FOCAD: variants seen among roughly 807,000 people sequenced by gnomAD.
FOCAD encodes the protein focadhesin, also known as KIAA1797.
Under a neutral mutation model 225.6 loss-of-function variants are expected in FOCAD, and 198 were observed. The observed-to-expected ratio is 0.88, with a 90% CI of 0.78 to 0.99. The LOEUF (loss-of-function observed/expected upper bound fraction) is 0.99, where lower values mean the gene tolerates loss of function less well. Among genes scored for constraint, FOCAD ranks in the 50% least tolerant of loss-of-function variants. The pLI, the probability that FOCAD is intolerant of heterozygous loss-of-function variation, is 0.00. For synonymous variants in FOCAD, 897 were observed against 755.0 expected (o/e 1.19, Z -3.08); for missense variants, 2,713 against 2,123.6 (o/e 1.28, Z -5.46).
intron 35 of FOCAD, among the ~76,000 whole-genome samples, chr9:20,965,334 C>G (rs1173972093): frequency 1.3e-5 from 2 of 152,084 alleles, no homozygotes; most frequent in Non-Finnish European, 2.9e-5. Flanking sequence ...ATACTTGTTG[C>G]AAGGATTCTT....
chr9:20,854,549 A>G (rs1827978286), intron 15 of FOCAD, among the ~76,000 whole-genome samples: 1 of 151,774 alleles, frequency 6.6e-6, no homozygotes, highest in Admixed American at 6.6e-5. Context: ...AGCCTACCAC[A>G]CTGCATAAGG....
At chr9:20,840,914 A>T (rs1447400642) in intron 15 of FOCAD, among the ~76,000 whole-genome samples, 1 of 151,842 alleles carries the variant, frequency 6.6e-6, no homozygotes, top group Non-Finnish European at 1.5e-5. Context: ...CAGTTTTTTT[A>T]GAGTTTTTAT....
Position 20,689,446 on chromosome 9 carries a change from C to G in FOCAD, c.-33+5153C>G, listed in dbSNP as rs544324814. 3.5e-4 allele frequency among the ~76,000 whole-genome samples: 48 copies of G among 138,160 alleles called. 1 individual carries two copies. The highest frequency in any genetic ancestry group is 6.2e-4 in the Non-Finnish European group (41 of 65,910). 90.6% of individuals were successfully genotyped at this position (138,160 alleles called of 152,430 possible). A position where few individuals can be genotyped will look rare whatever the true frequency, so the allele number is the denominator to read the frequency against. On this transcript the variant is annotated intron_variant, in intron 1 of 43. Coordinates refer to ENST00000338382, the MANE Select transcript of FOCAD (RefSeq NM_001375567.1). ...CTTAGATGTTATGCCCTCAAAAGTA[C>G]AGCGGGTGGGGGTGGGATGGGGTAA...
intron 35 of FOCAD, among the ~76,000 whole-genome samples, chr9:20,962,148 C>T (rs1484704666): frequency 6.6e-6 from 1 of 151,970 alleles, no homozygotes; most frequent in Non-Finnish European, 1.5e-5. Context: ...TAGGGGCTTC[C>T]GTGATGTTCC....
chr9:20,929,350 T>C lies in FOCAD; in HGVS notation c.3079-8T>C. ...CTAACCCTGTTTTCTTTCTTTGGCA[T>C]GTCCTAGAAGTCCTATTCTGGTGAA... is the stretch of plus-strand genomic sequence containing the variant. On this transcript the variant is annotated splice_region_variant and splice_polypyrimidine_tract_variant and intron_variant, in intron 26 of 43. Coordinates refer to ENST00000338382, the MANE Select transcript of FOCAD (RefSeq NM_001375567.1). The C allele has an allele frequency of 1.2e-6, 2 of 1,611,314 alleles. No homozygotes were observed. Among genetic ancestry groups the C allele is most frequent in the Admixed American group, 1.7e-5 (1 of 59,900 alleles).
At chr9:20,770,340 G>T (rs1295977165) in intron 8 of FOCAD, 102 bp downstream of exon 8, 1 of 1,081,204 alleles carries the variant, frequency 9.2e-7, no homozygotes. Context: ...TTACAGTCTG[G>T]CAGGCTGTAC....
At chr9:20,932,626 A>G (rs550884969) in intron 27 of FOCAD, among the ~76,000 whole-genome samples, 1 of 152,378 alleles carries the variant, frequency 6.6e-6, no homozygotes, top group African/African-American at 2.4e-5. Flanking sequence ...TGGAATGATT[A>G]TTGATAATGT....
At chr9:20,724,581 T>A (rs1213328437) in intron 4 of FOCAD, among the ~76,000 whole-genome samples, 2 of 152,210 alleles carry the variant, frequency 1.3e-5, no homozygotes, top group Non-Finnish European at 2.9e-5. Context: ...TCATAAAATA[T>A]ATAAGTGCTA....
chr9:20,898,439 C>T (rs1430795170), intron 21 of FOCAD, among the ~76,000 whole-genome samples: 1 of 151,556 alleles, frequency 6.6e-6, no homozygotes, highest in Non-Finnish European at 1.5e-5. Flanking sequence ...TTCCTCTTCG[C>T]TTTTTAGTTT....
At chr9:20,797,406 G>A (rs966221310) in intron 11 of FOCAD, among the ~76,000 whole-genome samples, 4 of 152,122 alleles carry the variant, frequency 2.6e-5, no homozygotes, top group African/African-American at 9.7e-5. Flanking sequence ...ATTACCTTGG[G>A]CAGTATGGCC....
At chr9:20,871,600 A>G (rs1829771594) in intron 18 of FOCAD, among the ~76,000 whole-genome samples, 1 of 151,564 alleles carries the variant, frequency 6.6e-6, no homozygotes. Flanking sequence ...TAAAGAACTT[A>G]CTCATGTAAC....
At chr9:20,872,355 G>A (rs1268230275) in intron 18 of FOCAD, among the ~76,000 whole-genome samples, 1 of 152,108 alleles carries the variant, frequency 6.6e-6, no homozygotes, top group Non-Finnish European at 1.5e-5. Flanking sequence ...AGGATAGGAG[G>A]ATAGGATAAA....
chr9:20,663,317 A>G (rs1254173487), intron 2 of FOCAD, among the ~76,000 whole-genome samples: 3 of 152,140 alleles, frequency 2.0e-5, no homozygotes, highest in Non-Finnish European at 4.4e-5. Flanking sequence ...GTGATCATGC[A>G]CTGCACTCCA....
At chr9:20,866,888 C>CTTTTTTTTTTTGTTTTTTTTTTTT in intron 17 of FOCAD, 41 bp from the exon 18 acceptor site, 1 of 341,496 alleles carries the variant, frequency 2.9e-6, no homozygotes, top group Non-Finnish European at 4.2e-6. Flanking sequence ...TGTTTGCTTG[C>CTTTTTTTTTTTGTTTTTTTTTTTT]TTTTTTTTTT....
chr9:20,864,340 G>C (rs983416286), intron 16 of FOCAD, among the ~76,000 whole-genome samples: 3 of 151,952 alleles, frequency 2.0e-5, no homozygotes, highest in African/African-American at 7.2e-5. Context: ...CTGGAATCTG[G>C]CCTCATTAGT....
At chr9:20,916,483 G>A (rs1833873253) in intron 23 of FOCAD, among the ~76,000 whole-genome samples, 1 of 152,168 alleles carries the variant, frequency 6.6e-6, no homozygotes, top group Non-Finnish European at 1.5e-5. Flanking sequence ...GACTGTCTTA[G>A]TCAGTTTGGG....
upstream of FOCAD, among the ~76,000 whole-genome samples, chr9:20,658,064 G>A (rs75557199): frequency 1.5e-5 from 2 of 132,978 alleles, no homozygotes; most frequent in Non-Finnish European, 3.3e-5. Flanking sequence ...GCCCCTGCTG[G>A]GGGGTGCCTC....
intron 11 of FOCAD, among the ~76,000 whole-genome samples, chr9:20,813,329 G>A (rs936771433): frequency 1.3e-5 from 2 of 152,108 alleles, no homozygotes; most frequent in Non-Finnish European, 2.9e-5. Context: ...ATGTGGGAAT[G>A]TGAATATTTC....
At chr9:20,779,840 C>T (rs769978674) in intron 9 of FOCAD, among the ~76,000 whole-genome samples, 3 of 151,996 alleles carry the variant, frequency 2.0e-5, no homozygotes, top group Non-Finnish European at 4.4e-5. Flanking sequence ...GTGAATTGCT[C>T]TTTCACCTAC....
Sources: gnomAD v4.1 joint callset for allele counts (sites outside exome capture counted in the v4.1 genomes callset) on GRCh38, gnomAD v4.1.1 for gene constraint, MANE v1.5 for transcripts, NCBI Gene and HGNC (gene_info 2026-07-23, HGNC 2026-07-21) for gene names.